Variants in ST6GALNAC6 observed in about 807,000 individuals in gnomAD.
ST6GALNAC6 encodes ST6 N-acetylgalactosaminide alpha-2,6-sialyltransferase 6.
Under a neutral mutation model 34.3 loss-of-function variants are expected in ST6GALNAC6, and 19 were observed. The observed-to-expected ratio is 0.55, with a 90% CI of 0.39 to 0.81. The LOEUF (loss-of-function observed/expected upper bound fraction) is 0.81, where lower values mean the gene tolerates loss of function less well. Among genes scored for constraint, ST6GALNAC6 ranks in the 40% least tolerant of loss-of-function variants. The pLI is 0.00. For missense variants in ST6GALNAC6, 377 were observed against 467.7 expected (o/e 0.81, Z 1.79); for synonymous variants, 185 against 182.1 (o/e 1.02, Z -0.13).
intron 4 of ST6GALNAC6, among the ~76,000 whole-genome samples, chr9:127,894,250 G>A (rs1830313448): frequency 6.6e-6 from 1 of 152,232 alleles, no homozygotes; most frequent in Non-Finnish European, 1.5e-5. Context: ...GAGACAGAGA[G>A]CAGTGAAAAC....
intron 4 of ST6GALNAC6, 35 bp downstream of exon 4, chr9:127,894,477 C>A: frequency 1.2e-6 from 2 of 1,608,878 alleles, no homozygotes; most frequent in East Asian, 2.2e-5. Flanking sequence ...TGATGCTGGG[C>A]AGTAGGGAGG....
intron 6 of ST6GALNAC6, 110 bp from the exon 7 acceptor site, chr9:127,886,898 T>G: frequency 5.4e-6 from 6 of 1,107,160 alleles, no homozygotes; most frequent in African/African-American, 1.6e-5. Context: ...TCCCCATGCC[T>G]CCTGGGGCCT....
chr9:127,894,934 C>A (rs1460783533), intron 3 of ST6GALNAC6, among the ~76,000 whole-genome samples: 1 of 152,150 alleles, frequency 6.6e-6, no homozygotes, highest in Middle Eastern at 3.2e-3. Context: ...AGCCTTGCTC[C>A]CCACTGTATC....
rs1274739959 is a variant in ST6GALNAC6, at chr9:127,890,795, G to C, written c.546C>G (p.Phe182Leu). ...TCTGCATCTTGCTCGGGGGCCCCCA[G>C]AAGATGAACACGGTTTCAGGGGTCC... Reference protein sequence around the residue: ...VNRTPETVFIFWGPPSKMQKP... With the variant: ...VNRTPETVFILWGPPSKMQKP... The change falls in exon 5 of 7, where the codon TTC (phenylalanine) becomes TTG (leucine). Residue 182 changes from phenylalanine (F) to leucine (L), a missense_variant. Transcript: ENST00000373146. The surrounding 1 kb of genome is among the most constrained non-coding windows in gnomAD (Gnocchi z 4.3). 6.2e-7 allele frequency: 1 copy of C among 1,612,824 alleles called. No individual in the cohort carries two copies. The highest frequency in any genetic ancestry group is 1.7e-5 in the Admixed American group (1 of 60,004).
chr9:127,891,759 G>C (rs1174528754), intron 4 of ST6GALNAC6, among the ~76,000 whole-genome samples: 1 of 131,656 alleles, frequency 7.6e-6, no homozygotes, highest in African/African-American at 2.8e-5. Flanking sequence ...AAGAAGACAG[G>C]GGGAGGGGAC....
chr9:127,899,599 GC>G lies in ST6GALNAC6; in HGVS notation c.-127del. On this transcript the variant is annotated 5_prime_UTR_variant, in exon 1 of 7. Transcript: ENST00000373146. The stretch of plus-strand genomic sequence containing the variant: ...GGTCCGCGCTCCTCAGGCCGCCCAG[GC>G]CTCGCCGCACCCGCGGCCCGCCGGG... 1.0e-6 allele frequency: 1 copy of G among 981,704 alleles called. No individual in the cohort carries two copies. The highest frequency in any genetic ancestry group is 1.2e-6 in the Non-Finnish European group (1 of 828,516). The allele number at this position is 981,704 out of a possible 1,614,324, so 60.8% of individuals were successfully genotyped here.
Position 127,890,008 on chromosome 9 carries a change from T to G in ST6GALNAC6, c.704+629A>C, listed in dbSNP as rs1171971091. On this transcript the variant is annotated intron_variant, in intron 5 of 6. Transcript: ENST00000373146. The surrounding 1 kb of genome is among the most constrained non-coding windows in gnomAD (Gnocchi z 4.3). ...GTGCAGTGGCACCATCCTGGCTCAC[T>G]GCAGCCTCAACCTCCCGGGCTCAAG... Among the ~76,000 whole-genome samples, 1 of 152,210 alleles carries G rather than the reference T, an allele frequency of 6.6e-6. No individual in the cohort carries two copies. Among genetic ancestry groups the G allele is most frequent in the African/African-American group, 2.4e-5 (1 of 41,450 alleles).
rs143769325 is a variant in ST6GALNAC6, at chr9:127,890,234, G to A, written c.704+403C>T. 6.6e-6 allele frequency among the ~76,000 whole-genome samples: 1 copy of A among 152,102 alleles called. No homozygotes were observed. The highest frequency in any genetic ancestry group is 2.4e-5 in the African/African-American group (1 of 41,424). ...GGCATGCTGGGAGTGATGCATCGCT[G>A]GAGCAGAGCATGCCAGGAGCAACTG... On this transcript the variant is annotated intron_variant, in intron 5 of 6. Coordinates refer to ENST00000373146, the MANE Select transcript of ST6GALNAC6 (RefSeq NM_013443.5). This position sits in a 1 kb window ranked among gnomAD's most constrained non-coding sequence, Gnocchi z 4.3.
intron 2 of ST6GALNAC6, chr9:127,897,530 G>A (rs560244292): frequency 6.6e-6 from 5 of 756,148 alleles, no homozygotes; most frequent in African/African-American, 1.9e-5. Flanking sequence ...TCCGGAGCTC[G>A]GCTTCGGGTT....
upstream of ST6GALNAC6, among the ~76,000 whole-genome samples, chr9:127,902,336 T>C (rs1830786933): frequency 2.0e-5 from 3 of 151,336 alleles, no homozygotes; most frequent in South Asian, 6.3e-4. Flanking sequence ...TTTTTTTGTA[T>C]TTTTAGTAGA....
chr9:127,894,803 C>A, intron 3 of ST6GALNAC6, 112 bp from the exon 4 acceptor site: 2 of 1,227,376 alleles, frequency 1.6e-6, no homozygotes, highest in Non-Finnish European at 2.3e-6. Context: ...CAGACCAGGT[C>A]AGGCACTACT....
At chr9:127,888,439 A>C (rs1462225999) in intron 5 of ST6GALNAC6, among the ~76,000 whole-genome samples, 2 of 135,710 alleles carry the variant, frequency 1.5e-5, no homozygotes, top group Non-Finnish European at 3.1e-5. Context: ...AGGAGGTGGA[A>C]GTTGCAGTGA....
At chr9:127,900,386 C>A (rs950283570), upstream of ST6GALNAC6, among the ~76,000 whole-genome samples, 2 of 151,720 alleles carry the variant, frequency 1.3e-5, no homozygotes, top group African/African-American at 2.4e-5. Context: ...CATGGAGAAA[C>A]CCCGTCTCTA....
At chr9:127,894,343 C>T (rs1056239486) in intron 4 of ST6GALNAC6, among the ~76,000 whole-genome samples, 169 bp downstream of exon 4, 3 of 152,054 alleles carry the variant, frequency 2.0e-5, no homozygotes, top group Admixed American at 2.0e-4. Flanking sequence ...AGAACTGAGG[C>T]CCAGACAGGG....
chr9:127,887,445 G>T, intron 6 of ST6GALNAC6, 39 bp downstream of exon 6: 1 of 1,557,864 alleles, frequency 6.4e-7, no homozygotes. Context: ...GCCAGTGCCT[G>T]GGTGTTGTCC....
At chr9:127,900,202 T>C (rs1267812756), upstream of ST6GALNAC6, among the ~76,000 whole-genome samples, 1 of 152,234 alleles carries the variant, frequency 6.6e-6, no homozygotes, top group Non-Finnish European at 1.5e-5. Context: ...TAAGTAGCCA[T>C]TGCTAGGGGA....
intron 2 of ST6GALNAC6, chr9:127,897,037 AG>A: frequency 1.1e-6 from 1 of 890,040 alleles, no homozygotes; most frequent in Non-Finnish European, 1.3e-6. Flanking sequence ...AGTCTCTGCC[AG>A]GGCTGACTCC....
chr9:127,899,792 G>C (rs1306570051), upstream of ST6GALNAC6: 1 of 334,134 alleles, frequency 3.0e-6, no homozygotes, highest in East Asian at 1.7e-4. Flanking sequence ...GCAGCCCGGG[G>C]TGACCACCAA....
chr9:127,888,562 A>G (rs1056672293), intron 5 of ST6GALNAC6, among the ~76,000 whole-genome samples: 2 of 150,882 alleles, frequency 1.3e-5, no homozygotes, highest in Admixed American at 1.3e-4. Context: ...TAATCCCAGC[A>G]CTTTGGGAGG....
Sources: gnomAD v4.1 joint callset for allele counts (sites outside exome capture counted in the v4.1 genomes callset) on GRCh38, gnomAD v4.1.1 for gene constraint, Gnocchi (gnomAD v3.1) non-coding constraint, MANE v1.5 for transcripts, NCBI Gene and HGNC (gene_info 2026-07-23, HGNC 2026-07-21) for gene names.